The following TRPS1 variants were observed in gnomAD, a reference collection of about 807,000 sequenced individuals.
TRPS1 encodes the protein zinc finger transcription factor Trps1.
A neutral mutation model predicts 101.2 loss-of-function variants in TRPS1; 6 were observed. The observed-to-expected ratio is 0.06, with a 90% CI of 0.03 to 0.12. The LOEUF is 0.12. Ranked by LOEUF, TRPS1 falls within the 10% of genes least tolerant of loss-of-function variation. The probability of loss-of-function intolerance (pLI) is 1.00; values close to 1 mark genes in which losing one functional copy is unlikely to be tolerated. For synonymous variants in TRPS1, 578 were observed against 589.8 expected, an observed-to-expected ratio of 0.98 and a Z score of 0.29; for missense variants, 1,363 against 1,567.0, an observed-to-expected ratio of 0.87 and a Z score of 2.20.
intron 5 of TRPS1, among the ~76,000 whole-genome samples, chr8:115,508,856 T>A: frequency 6.6e-6 from 1 of 152,006 alleles, no homozygotes. Flanking sequence ...TAAACTTTGA[T>A]CTACTTTCCC....
chr8:115,604,839 G>A lies in TRPS1; in HGVS notation c.1130C>T (p.Ala377Val), dbSNP rs748446225. ...FLQTHPNKIK[A>V]SLPSSEVAKP... ...TGCAACCTCAGAGGAGGGGAGAGAA[G>A]CTTTTATTTTGTTTGGGTGAGTCTG... Residue 377 changes from alanine (A) to valine (V), a missense_variant, in exon 4 of 7, where the codon GCT (alanine) becomes GTT (valine). Ala to Val is a moderately conservative substitution (Grantham distance 64, BLOSUM62 0). Around this residue, in one of 5 missense-constraint regions of TRPS1, gnomAD observed 1,020 missense variants for 1,073.0 expected, o/e 0.95. Coordinates refer to ENST00000395715, the MANE Select transcript of TRPS1 (RefSeq NM_014112.5). This position sits in a 1 kb window ranked among gnomAD's most constrained non-coding sequence, Gnocchi z 4.1. 56 of 1,613,962 alleles carry A rather than the reference G, an allele frequency of 3.5e-5. No individual in the cohort carries two copies. Among genetic ancestry groups the A allele is most frequent in the Admixed American group, 1.0e-4 (6 of 59,982 alleles).
Position 115,603,975 on chromosome 8 carries a change from T to C in TRPS1, c.1994A>G (p.Gln665Arg). ...GACAGACTGCTGCCCATCCGATCCT[T>C]GCAGGTGATTTGCTTCTTGTTTGAC... ...SDVKQEANHL[Q>R]GSDGQQSVKE... Residue 665 changes from glutamine (Q) to arginine (R), a missense_variant, in exon 4 of 7, where the codon CAA becomes CGA. By Grantham distance (43) the Gln-to-Arg change is conservative. Coordinates refer to ENST00000395715, the MANE Select transcript of TRPS1 (RefSeq NM_014112.5). 6.2e-7 allele frequency: 1 copy of C among 1,614,012 alleles called. No individual in the cohort carries two copies. Among genetic ancestry groups the C allele is most frequent in the Non-Finnish European group, 8.5e-7 (1 of 1,179,980 alleles).
chr8:115,581,071 A>C (rs1183694879), intron 5 of TRPS1, among the ~76,000 whole-genome samples: 1 of 152,184 alleles, frequency 6.6e-6, no homozygotes, highest in Non-Finnish European at 1.5e-5. Flanking sequence ...TCAGTCATAA[A>C]AAAAGAATAA....
chr8:115,504,273 G>T (rs1336215617), intron 5 of TRPS1, among the ~76,000 whole-genome samples: 1 of 152,150 alleles, frequency 6.6e-6, no homozygotes, highest in Non-Finnish European at 1.5e-5. Flanking sequence ...TAGGCACAAT[G>T]AGTCCAGAAA....
chr8:115,553,331 A>G (rs1051761855), intron 5 of TRPS1, among the ~76,000 whole-genome samples: 7 of 152,224 alleles, frequency 4.6e-5, no homozygotes, highest in Admixed American at 1.3e-4. Flanking sequence ...GATCATTTAG[A>G]GTGTCTGTAA....
At chr8:115,417,117 A>T (rs1812941225) in intron 6 of TRPS1, among the ~76,000 whole-genome samples, 1 of 152,176 alleles carries the variant, frequency 6.6e-6, no homozygotes, top group Non-Finnish European at 1.5e-5. Context: ...AGTTCCCATA[A>T]TCTGGCAGAG....
At chr8:115,504,384 A>G (rs1391145197) in intron 5 of TRPS1, among the ~76,000 whole-genome samples, 2 of 152,206 alleles carry the variant, frequency 1.3e-5, no homozygotes, top group Non-Finnish European at 2.9e-5. Flanking sequence ...CATGGGTGGA[A>G]CAAAGACCAG....
At chr8:115,582,711 C>A (rs1187165856) in intron 5 of TRPS1, among the ~76,000 whole-genome samples, 1 of 152,138 alleles carries the variant, frequency 6.6e-6, no homozygotes, top group Non-Finnish European at 1.5e-5. Flanking sequence ...GAACTCAACT[C>A]CCCAGGCCCA....
chr8:115,511,932 T>A (rs1273063899), intron 5 of TRPS1, among the ~76,000 whole-genome samples: 1 of 151,794 alleles, frequency 6.6e-6, no homozygotes, highest in African/African-American at 2.4e-5. Flanking sequence ...TGAATCTTAA[T>A]ATGATAAACC....
At chr8:115,486,282 A>G (rs1039713657) in intron 5 of TRPS1, among the ~76,000 whole-genome samples, 1 of 152,188 alleles carries the variant, frequency 6.6e-6, no homozygotes, top group African/African-American at 2.4e-5. Flanking sequence ...AGCGTACTTA[A>G]TAAGTGCTGC....
chr8:115,520,163 C>T (rs532366671), intron 5 of TRPS1, among the ~76,000 whole-genome samples: 2 of 151,762 alleles, frequency 1.3e-5, no homozygotes, highest in East Asian at 3.9e-4. Context: ...TTGTGATTGG[C>T]AGTTTTAATT....
At chr8:115,499,955 CTTTCTTTCT>C (rs201060238) in intron 5 of TRPS1, among the ~76,000 whole-genome samples, 2,232 of 69,492 alleles carry the variant, frequency 0.032, 22 homozygotes, top group African/African-American at 0.049. Context: ...TTCTTTCTTT[CTTTCTTTCT>C]TTTCTTTTCT....
At chr8:115,648,390 G>A (rs772718002) in intron 1 of TRPS1, among the ~76,000 whole-genome samples, 2 of 152,180 alleles carry the variant, frequency 1.3e-5, no homozygotes, top group African/African-American at 2.4e-5. Context: ...GACTTCCTGC[G>A]ATAACACGCC....
chr8:115,551,854 C>T (rs1171079885), intron 5 of TRPS1, among the ~76,000 whole-genome samples: 1 of 152,082 alleles, frequency 6.6e-6, no homozygotes, highest in Non-Finnish European at 1.5e-5. Context: ...TTTAGTGTAT[C>T]CCCTTTATCG....
intron 5 of TRPS1, among the ~76,000 whole-genome samples, chr8:115,447,677 A>T (rs1586282686): frequency 1.1e-5 from 1 of 89,688 alleles, no homozygotes; most frequent in Non-Finnish European, 2.9e-5. Flanking sequence ...TCATATTTTT[A>T]TATATATATA....
At chr8:115,446,691 G>A (rs370350962) in intron 5 of TRPS1, among the ~76,000 whole-genome samples, 23 of 152,154 alleles carry the variant, frequency 1.5e-4, no homozygotes, top group South Asian at 4.1e-4. Context: ...TAGAATCCTC[G>A]AATGTTAGAG....
chr8:115,445,859 AG>A (rs1453720686), intron 5 of TRPS1, among the ~76,000 whole-genome samples: 1 of 152,226 alleles, frequency 6.6e-6, no homozygotes, highest in Non-Finnish European at 1.5e-5. Context: ...TCAATGCATA[AG>A]GGTTTTAACA....
intron 5 of TRPS1, among the ~76,000 whole-genome samples, chr8:115,534,992 AATATATATAGC>A (rs903695939): frequency 1.1e-4 from 17 of 149,782 alleles, no homozygotes; most frequent in East Asian, 3.9e-4. Context: ...TTGGCATATA[AATATATATAGC>A]ATATATATAG....
intron 5 of TRPS1, among the ~76,000 whole-genome samples, chr8:115,420,004 G>A (rs908259759): frequency 6.6e-6 from 1 of 152,166 alleles, no homozygotes; most frequent in African/African-American, 2.4e-5. Flanking sequence ...ACAAGATTGG[G>A]GGAATGTTTT....
Sources: allele counts gnomAD v4.1 joint callset (sites outside exome capture counted in the v4.1 genomes callset), GRCh38; gene constraint gnomAD v4.1.1; regional missense constraint gnomAD v4.1.1; non-coding constraint Gnocchi (gnomAD v3.1); transcripts MANE v1.5; gene names NCBI Gene and HGNC (gene_info 2026-07-23, HGNC 2026-07-21).